The following CELF2 variants were observed in gnomAD, a reference collection of about 807,000 sequenced individuals.
CELF2 encodes CUG triplet repeat RNA-binding protein 2.
In CELF2, 8 loss-of-function variants were observed where a neutral mutation model predicts 62.6. That is an observed-to-expected ratio of 0.13 (90% CI 0.07 to 0.23). The LOEUF (loss-of-function observed/expected upper bound fraction) is 0.23, where lower values mean the gene tolerates loss of function less well. CELF2 is among the 10% of genes least tolerant of loss of function. CELF2 has a pLI of 1.00. For missense variants in CELF2, 333 were observed against 671.0 expected (o/e 0.50, Z 5.56); for synonymous variants, 258 against 250.0 (o/e 1.03, Z -0.30).
At chr10:10,545,351 T>C in the CELF2 span, among the ~76,000 whole-genome samples, 1 of 152,202 alleles carries the variant, frequency 6.6e-6, no homozygotes, top group African/African-American at 2.4e-5. Flanking sequence ...CAACATTCTA[T>C]TTAACCTAGT....
At chr10:10,555,703 A>G in the CELF2 span, among the ~76,000 whole-genome samples, 3 of 152,132 alleles carry the variant, frequency 2.0e-5, no homozygotes, top group Non-Finnish European at 4.4e-5. Context: ...CAGCCCCTTC[A>G]CTTTCTCTTA....
At chr10:10,935,595 G>A (rs2066540720) in intron 2 of CELF2, among the ~76,000 whole-genome samples, 1 of 152,106 alleles carries the variant, frequency 6.6e-6, no homozygotes, top group Admixed American at 6.6e-5. Flanking sequence ...ACATCATACA[G>A]GGATGCCTGG....
the CELF2 span, among the ~76,000 whole-genome samples, chr10:10,621,049 C>A: frequency 1.3e-4 from 20 of 150,068 alleles, no homozygotes; most frequent in Admixed American, 9.3e-4. Context: ...CGGTGAAACC[C>A]CGTCTCCACT....
chr10:10,852,245 T>C (rs2059427114), intron 1 of CELF2, among the ~76,000 whole-genome samples: 1 of 152,296 alleles, frequency 6.6e-6, no homozygotes, highest in East Asian at 1.9e-4. Flanking sequence ...ATCCATACAA[T>C]GGACAACTAC....
Position 11,191,894 on chromosome 10 carries a change from A to G in CELF2, c.272-25531A>G, listed in dbSNP as rs1387177208. Among the ~76,000 whole-genome samples, 3 of 152,088 alleles carry G rather than the reference A, an allele frequency of 2.0e-5. No homozygotes were observed. The highest frequency in any genetic ancestry group is 4.4e-5 in the Non-Finnish European group (3 of 67,994). On this transcript the variant is annotated intron_variant, in intron 2 of 12. Transcript: ENST00000633077. The surrounding 1 kb of genome is among the most constrained non-coding windows in gnomAD (Gnocchi z 4.1). ...TGTTTTCCACCCTCCCTGCCCTCCC[A>G]TGCAGAGGCCCCGCCCTGTGTCCAC...
chr10:10,565,837 T>G, the CELF2 span, among the ~76,000 whole-genome samples: 1 of 152,206 alleles, frequency 6.6e-6, no homozygotes, highest in Non-Finnish European at 1.5e-5. Flanking sequence ...TAATTTTGCA[T>G]TTACTTTATT....
At chr10:10,702,952 G>A in the CELF2 span, among the ~76,000 whole-genome samples, 1 of 151,968 alleles carries the variant, frequency 6.6e-6, no homozygotes. Context: ...CCCCTAAATA[G>A]CTACAAAAGC....
At chr10:10,838,834 C>A (rs1338691196) in intron 1 of CELF2, among the ~76,000 whole-genome samples, 2 of 152,028 alleles carry the variant, frequency 1.3e-5, no homozygotes, top group African/African-American at 2.4e-5. Context: ...TCTAGGGAGT[C>A]CTGGTTCTAT....
chr10:10,534,622 C>T, the CELF2 span, among the ~76,000 whole-genome samples: 1 of 152,182 alleles, frequency 6.6e-6, no homozygotes, highest in Non-Finnish European at 1.5e-5. Context: ...TCTTTCCTCA[C>T]TTATCTGTAG....
At chr10:11,032,043 G>A (rs2060195509) in intron 1 of CELF2, among the ~76,000 whole-genome samples, 1 of 150,290 alleles carries the variant, frequency 6.7e-6, no homozygotes, top group African/African-American at 2.4e-5. Context: ...GATAGGCAAA[G>A]TTGAGAAAGT....
chr10:10,867,515 C>G (rs1386362369), intron 1 of CELF2, among the ~76,000 whole-genome samples: 6 of 152,076 alleles, frequency 3.9e-5, no homozygotes. Context: ...CTTTCTCATT[C>G]TCTTCTTTCA....
the CELF2 span, among the ~76,000 whole-genome samples, chr10:10,530,089 G>T: frequency 6.6e-6 from 1 of 152,160 alleles, no homozygotes; most frequent in South Asian, 2.1e-4. Flanking sequence ...GACCCCAAAA[G>T]AGGGTTCTTG....
chr10:10,885,242 C>CAAA (rs555711245), intron 1 of CELF2, among the ~76,000 whole-genome samples: 2 of 131,958 alleles, frequency 1.5e-5, no homozygotes, highest in African/African-American at 5.6e-5. Flanking sequence ...GACACTGTCT[C>CAAA]AAAAAAAAAA....
chr10:11,305,750 A>T lies in CELF2; in HGVS notation c.977-8389A>T, dbSNP rs1486545577. 1.3e-5 allele frequency among the ~76,000 whole-genome samples: 2 copies of T among 152,218 alleles called. No individual in the cohort carries two copies. Among genetic ancestry groups the T allele is most frequent in the Non-Finnish European group, 2.9e-5 (2 of 68,042 alleles). ...GCACAGCTCTAAGGAGAAGGAACCC[A>T]TCCCGTCCCCTCAGTTGGGATTAGT... On this transcript the variant is annotated intron_variant, in intron 9 of 12. Coordinates refer to ENST00000633077, the MANE Select transcript of CELF2 (RefSeq NM_001326342.2). This position sits in a 1 kb window ranked among gnomAD's most constrained non-coding sequence, Gnocchi z 4.8.
At chr10:11,304,865 A>G (rs999667659) in intron 9 of CELF2, among the ~76,000 whole-genome samples, 1 of 152,228 alleles carries the variant, frequency 6.6e-6, no homozygotes, top group Non-Finnish European at 1.5e-5. Context: ...GACTTAGGAC[A>G]TGGATGTCTC....
chr10:10,989,805 AAC>A (rs2053226104), intron 2 of CELF2, among the ~76,000 whole-genome samples: 1 of 152,268 alleles, frequency 6.6e-6, no homozygotes, highest in South Asian at 2.1e-4. Flanking sequence ...TGATTAAAAA[AAC>A]AGTTTATGAC....
intron 2 of CELF2, among the ~76,000 whole-genome samples, chr10:10,961,563 A>G (rs981862656): frequency 5.3e-5 from 8 of 152,080 alleles, no homozygotes; most frequent in Non-Finnish European, 1.0e-4. Context: ...CCTGGGCAAC[A>G]TGGCAAAACC....
At chr10:11,058,530 G>A (rs535666720) in intron 1 of CELF2, among the ~76,000 whole-genome samples, 11 of 143,636 alleles carry the variant, frequency 7.7e-5, no homozygotes, top group African/African-American at 2.6e-4. Flanking sequence ...GCGGTGGTGC[G>A]ATCTCGACTC....
At chr10:11,018,212 A>G (rs765658314) in intron 1 of CELF2, 49 bp downstream of exon 1, 3 of 1,463,644 alleles carry the variant, frequency 2.0e-6, no homozygotes, top group South Asian at 2.5e-5. Flanking sequence ...TCCTCCTCCC[A>G]GAGTCGGCGG....
Sources: gnomAD v4.1 joint callset for allele counts (sites outside exome capture counted in the v4.1 genomes callset) on GRCh38, gnomAD v4.1.1 for gene constraint, Gnocchi (gnomAD v3.1) non-coding constraint, MANE v1.5 for transcripts, NCBI Gene and HGNC (gene_info 2026-07-23, HGNC 2026-07-21) for gene names.